The following TBC1D19 variants were observed in gnomAD, a reference collection of about 807,000 sequenced individuals.
TBC1D19 encodes TBC1 domain family, member 19.
In TBC1D19, 60 loss-of-function variants were observed where a neutral mutation model predicts 89.0. That is an observed-to-expected ratio of 0.67 (90% CI 0.55 to 0.84). TBC1D19 has a LOEUF of 0.84. TBC1D19 is among the 40% of genes least tolerant of loss of function. TBC1D19 has a pLI of 0.00. For synonymous variants in TBC1D19, 189 were observed against 199.7 expected (o/e 0.95, Z 0.45); for missense variants, 500 against 610.8 (o/e 0.82, Z 1.91).
chr4:26,829,995 C>A, the TBC1D19 span, among the ~76,000 whole-genome samples: 1 of 152,108 alleles, frequency 6.6e-6, no homozygotes, highest in Non-Finnish European at 1.5e-5. Context: ...ATAAAAGAGT[C>A]CAGGAGCCAT....
intron 1 of TBC1D19, among the ~76,000 whole-genome samples, chr4:26,607,217 A>G (rs1741069602): frequency 6.6e-6 from 1 of 152,208 alleles, no homozygotes; most frequent in African/African-American, 2.4e-5. Context: ...TAGCTCTTAA[A>G]GTGAGTGAGA....
In TBC1D19 at chr4:26,717,030, G is replaced by C. The variant is rs533617887; in HGVS notation, c.955-903G>C. ...ATAATGAAAACAAAGCAGTGGCAGT[G>C]GTTGATATGCATTCCACCAGTGAAC... is the stretch of plus-strand genomic sequence containing the variant. On this transcript the variant is annotated intron_variant, in intron 13 of 20. Transcript: ENST00000264866. Among the ~76,000 whole-genome samples the C allele has an allele frequency of 5.3e-5, 8 of 152,128 alleles. No homozygotes were observed. The East Asian group carries it at 1.4e-3, about 26-fold the overall frequency.
the TBC1D19 span, among the ~76,000 whole-genome samples, chr4:26,835,974 G>GCTCTCTCTCTCT: frequency 1.8e-3 from 260 of 143,542 alleles, 2 homozygotes; most frequent in African/African-American, 6.0e-3. Flanking sequence ...CATGTGAAGT[G>GCTCTCTCTCTCT]CTCTCTCTCT....
At chr4:26,666,537 T>A (rs1711827355) in intron 9 of TBC1D19, 132 bp downstream of exon 9, 1 of 618,250 alleles carries the variant, frequency 1.6e-6, no homozygotes, top group African/African-American at 1.8e-5. Flanking sequence ...TCTCCTTGGT[T>A]ACTGTTATTT....
chr4:26,747,484 T>C (rs1256971337), intron 18 of TBC1D19, among the ~76,000 whole-genome samples: 1 of 152,202 alleles, frequency 6.6e-6, no homozygotes. Context: ...TTGAGGATCT[T>C]TTTCAGTCTT....
intron 11 of TBC1D19, among the ~76,000 whole-genome samples, chr4:26,678,442 G>A (rs1713036169): frequency 6.6e-6 from 1 of 152,102 alleles, no homozygotes; most frequent in Non-Finnish European, 1.5e-5. Flanking sequence ...GGGAAAGAGC[G>A]AGGTATTGAG....
intron 10 of TBC1D19, among the ~76,000 whole-genome samples, chr4:26,673,097 A>T (rs1457353822): frequency 6.6e-6 from 1 of 151,852 alleles, no homozygotes; most frequent in East Asian, 1.9e-4. Context: ...TAAAGAAAAT[A>T]AAAATTAAAA....
At chr4:26,780,715 A>G in the TBC1D19 span, among the ~76,000 whole-genome samples, 4 of 152,144 alleles carry the variant, frequency 2.6e-5, no homozygotes, top group Non-Finnish European at 5.9e-5. Context: ...CCAGCCTTGT[A>G]ACACCTCCCT....
the TBC1D19 span, among the ~76,000 whole-genome samples, chr4:26,772,471 C>T: frequency 6.6e-6 from 1 of 151,874 alleles, no homozygotes; most frequent in African/African-American, 2.4e-5. Context: ...TTTTTTCCTT[C>T]AACTTTTAAG....
At chr4:26,746,981 T>A (rs1040150568) in intron 18 of TBC1D19, among the ~76,000 whole-genome samples, 6 of 152,176 alleles carry the variant, frequency 3.9e-5, no homozygotes, top group Non-Finnish European at 8.8e-5. Context: ...ATGATTCATA[T>A]CTGGAGTGGG....
chr4:26,694,404 C>G (rs987366174), intron 13 of TBC1D19, among the ~76,000 whole-genome samples: 3 of 152,188 alleles, frequency 2.0e-5, no homozygotes, highest in South Asian at 4.1e-4. Flanking sequence ...CTAGGAAGCT[C>G]GAACTGGGTG....
At chr4:26,606,600 A>G (rs1221676939) in intron 1 of TBC1D19, among the ~76,000 whole-genome samples, 5 of 152,314 alleles carry the variant, frequency 3.3e-5, no homozygotes, top group Non-Finnish European at 1.5e-5. Context: ...GGATGTAGAC[A>G]GTTTCTAAGT....
chr4:26,676,397 C>A (rs7683324), intron 11 of TBC1D19, among the ~76,000 whole-genome samples: 1 of 151,948 alleles, frequency 6.6e-6, no homozygotes, highest in Non-Finnish European at 1.5e-5. Context: ...GTACCTGGTC[C>A]TTTCCTCAAC....
intron 15 of TBC1D19, among the ~76,000 whole-genome samples, chr4:26,732,488 G>C (rs887519658): frequency 6.6e-6 from 1 of 152,206 alleles, no homozygotes; most frequent in African/African-American, 2.4e-5. Flanking sequence ...TCTTAGAACA[G>C]TGTCTGGCAC....
At chr4:26,816,292 G>A in the TBC1D19 span, among the ~76,000 whole-genome samples, 1 of 152,080 alleles carries the variant, frequency 6.6e-6, no homozygotes, top group South Asian at 2.1e-4. Flanking sequence ...AATTATCTGT[G>A]ATTTGCCTGT....
chr4:26,703,797 CA>C lies in TBC1D19; in HGVS notation c.955-14122del, dbSNP rs753720597. 3.0e-3 allele frequency among the ~76,000 whole-genome samples: 425 copies of C among 139,648 alleles called. 1 individual carries two copies. The highest frequency in any genetic ancestry group is 3.7e-3 in the Non-Finnish European group (239 of 64,148). The allele number at this position is 139,648 out of a possible 152,430, so 91.6% of individuals were successfully genotyped here. On this transcript the variant is annotated intron_variant, in intron 13 of 20. Coordinates refer to ENST00000264866, the MANE Select transcript of TBC1D19 (RefSeq NM_018317.4). Reference sequence around the variant, plus strand: ...TGAAACCCCATCTCTACTAAAAATACAAAAAAAAAAAAAATTAGCTGGGCGT... The same window carrying C: ...TGAAACCCCATCTCTACTAAAAATACAAAAAAAAAAAAATTAGCTGGGCGT...
chr4:26,844,784 G>A, the TBC1D19 span, among the ~76,000 whole-genome samples: 2 of 151,764 alleles, frequency 1.3e-5, no homozygotes, highest in Non-Finnish European at 2.9e-5. Context: ...TCTACTTTCC[G>A]CTTTTCTCCT....
chr4:26,847,004 C>A, the TBC1D19 span, among the ~76,000 whole-genome samples: 1 of 152,170 alleles, frequency 6.6e-6, no homozygotes, highest in Admixed American at 6.5e-5. Context: ...CAGTAACCTG[C>A]CACTTGATCA....
the TBC1D19 span, among the ~76,000 whole-genome samples, chr4:26,845,341 T>C: frequency 6.6e-6 from 1 of 152,250 alleles, no homozygotes; most frequent in Admixed American, 6.5e-5. Context: ...TAAACTTCTA[T>C]GTTTTTTCAA....
Sources: allele counts gnomAD v4.1 joint callset (sites outside exome capture counted in the v4.1 genomes callset), GRCh38; gene constraint gnomAD v4.1.1; transcripts MANE v1.5; gene names NCBI Gene and HGNC (gene_info 2026-07-23, HGNC 2026-07-21).